Variants in NPIPA7 observed in about 807,000 individuals in gnomAD.
NPIPA7 encodes the protein nuclear pore complex-interacting protein family member A7.
At chr16:16,382,189 T>C (rs1459924302) in intron 1 of NPIPA7, among the ~76,000 whole-genome samples, 3 of 96,684 alleles carry the variant, frequency 3.1e-5, no homozygotes, top group African/African-American at 1.6e-4. Flanking sequence ...TTAGAGGGAT[T>C]CTTTTACCAT....
At position 16,386,922 on chromosome 16, in the gene NPIPA7, A is replaced by T. The variant is rs866310985; in HGVS notation, c.193-477A>T. Among the ~76,000 whole-genome samples the T allele has an allele frequency of 4.8e-3, 628 of 130,432 alleles. 2 individuals are homozygous for T. The highest frequency in any genetic ancestry group is 0.037 in the East Asian group (131 of 3,554). 85.6% of individuals were successfully genotyped at this position (130,432 alleles called of 152,430 possible). On this transcript the variant is annotated intron_variant, in intron 2 of 7. Coordinates refer to ENST00000530217, the Ensembl canonical transcript of NPIPA7. ...GCACCACCATGCCTGGCTAATTTTG[A>T]ATTTTTAGCAGAGACAGCGTTTCTC... is the stretch of plus-strand genomic sequence containing the variant.
At chr16:16,387,162 G>T (rs1470569502) in intron 2 of NPIPA7, among the ~76,000 whole-genome samples, 1 of 128,676 alleles carries the variant, frequency 7.8e-6, no homozygotes, top group South Asian at 2.7e-4. Flanking sequence ...TGCAAACTCC[G>T]CCTCCCAGCT....
At position 16,386,733 on chromosome 16, in the gene NPIPA7, C is replaced by T. The variant is rs1226861783; in HGVS notation, c.193-666C>T. On this transcript the variant is annotated intron_variant, in intron 2 of 7. Transcript: ENST00000530217. Reference sequence around the variant, plus strand: ...AAAGTGCTGGGATTACAGGCGTGAGCTACAGCACCTGGCCTATTTTTTTTT... The same window carrying T: ...AAAGTGCTGGGATTACAGGCGTGAGTTACAGCACCTGGCCTATTTTTTTTT... 1.3e-4 allele frequency among the ~76,000 whole-genome samples: 18 copies of T among 134,276 alleles called. 1 individual carries two copies. Among genetic ancestry groups the T allele is most frequent in the Non-Finnish European group, 3.3e-5 (2 of 60,710 alleles). The allele number at this position is 134,276 out of a possible 152,430, so 88.1% of individuals were successfully genotyped here. A position where few individuals can be genotyped will look rare whatever the true frequency, so the allele number is the denominator to read the frequency against.
At chr16:16,386,713 G>C (rs1231554210) in intron 2 of NPIPA7, among the ~76,000 whole-genome samples, 1 of 127,814 alleles carries the variant, frequency 7.8e-6, no homozygotes, top group Non-Finnish European at 1.7e-5. Flanking sequence ...CTCCCAAAGT[G>C]CTGGGATTAC....
intron 2 of NPIPA7, among the ~76,000 whole-genome samples, chr16:16,386,896 T>G (rs1311536252): frequency 1.5e-5 from 2 of 134,784 alleles, no homozygotes; most frequent in African/African-American, 5.2e-5. Context: ...ATTACAGGCA[T>G]GCACCACCAT....
In NPIPA7 at chr16:16,388,554, G is replaced by A. The variant is rs1393562921; in HGVS notation, c.437+748G>A. On this transcript the variant is annotated intron_variant, in intron 4 of 7. Coordinates refer to ENST00000530217, the Ensembl canonical transcript of NPIPA7. ...TTTTTTTTTTTTTTTTTTTTGAGAC[G>A]GAGTCTCACTCTGTCACCCAGGCTA... Among the ~76,000 whole-genome samples, 24 of 45,006 alleles carry A rather than the reference G, an allele frequency of 5.3e-4. 1 individual carries two copies. The highest frequency in any genetic ancestry group is 1.2e-3 in the East Asian group (2 of 1,646). The allele number at this position is 45,006 out of a possible 152,430, so 29.5% of individuals were successfully genotyped here.
intron 2 of NPIPA7, among the ~76,000 whole-genome samples, chr16:16,386,976 C>T (rs866827815): frequency 5.5e-5 from 8 of 145,384 alleles, no homozygotes; most frequent in Admixed American, 3.6e-4. Context: ...CTCAAACTCC[C>T]GACCTCAGGT....
chr16:16,386,749 A>ATT (rs1166376236), intron 2 of NPIPA7, among the ~76,000 whole-genome samples: 1 of 128,050 alleles, frequency 7.8e-6, no homozygotes, highest in Non-Finnish European at 1.7e-5. Flanking sequence ...CACCTGGCCT[A>ATT]TTTTTTTTTT....
chr16:16,386,209 TGAG>T lies in NPIPA7; in HGVS notation c.193-1188_193-1186del, dbSNP rs1253989987. 1.2e-4 allele frequency among the ~76,000 whole-genome samples: 13 copies of T among 111,410 alleles called. No individual in the cohort carries two copies. In the South Asian group the frequency reaches 1.6e-3, roughly 14 times the overall value. The allele number at this position is 111,410 out of a possible 152,430, so 73.1% of individuals were successfully genotyped here. A position where few individuals can be genotyped will look rare whatever the true frequency, so the allele number is the denominator to read the frequency against. On this transcript the variant is annotated intron_variant, in intron 2 of 7. Transcript: ENST00000530217. ...CAAACCAGCCTCAACGAAGCTGATG[TGAG>T]GGAAGGGAAAGTGAACTCTGAGTAG...
intron 2 of NPIPA7, among the ~76,000 whole-genome samples, chr16:16,387,066 G>C (rs1369898788): frequency 8.3e-6 from 1 of 121,154 alleles, no homozygotes; most frequent in African/African-American, 3.0e-5. Flanking sequence ...TTCTTTGTGT[G>C]TGTGTGTGTG....
intron 2 of NPIPA7, among the ~76,000 whole-genome samples, chr16:16,386,445 TCA>T (rs2050130117): frequency 1.1e-5 from 1 of 88,940 alleles, no homozygotes; most frequent in African/African-American, 4.5e-5. Context: ...TATATTCATG[TCA>T]TTTTTTTTTT....
chr16:16,388,349 C>T (rs1454512663), intron 4 of NPIPA7, among the ~76,000 whole-genome samples: 1 of 29,200 alleles, frequency 3.4e-5, no homozygotes, highest in African/African-American at 1.6e-4. Context: ...ACCCAGCACC[C>T]AGCCTTTTTT....
rs796176025 is a variant in NPIPA7 at position 16,386,746 on chromosome 16, C to T, written c.193-653C>T. On this transcript the variant is annotated intron_variant, in intron 2 of 7. Transcript: ENST00000530217. ...TACAGGCGTGAGCTACAGCACCTGG[C>T]CTATTTTTTTTTTTTTTTTTGAGAC... Among the ~76,000 whole-genome samples, 31 of 135,950 alleles carry T rather than the reference C, an allele frequency of 2.3e-4. No homozygotes were observed. The South Asian group carries it at 6.1e-3, about 27-fold the overall frequency. 89.2% of individuals were successfully genotyped at this position (135,950 alleles called of 152,430 possible).
chr16:16,386,353 A>G (rs2050125798), intron 2 of NPIPA7, among the ~76,000 whole-genome samples: 1 of 141,782 alleles, frequency 7.1e-6, no homozygotes, highest in Non-Finnish European at 1.5e-5. Flanking sequence ...AAGTTGTGAA[A>G]CATGTTAACC....
chr16:16,388,051 C>CTTT (rs1252652575), intron 4 of NPIPA7, among the ~76,000 whole-genome samples: 30 of 44,600 alleles, frequency 6.7e-4, no homozygotes, highest in South Asian at 2.0e-3. Context: ...CTTTCTCTCT[C>CTTT]TTTTTTTTTT....
intron 2 of NPIPA7, among the ~76,000 whole-genome samples, chr16:16,386,832 C>A (rs1241698185): frequency 1.3e-4 from 16 of 127,814 alleles, no homozygotes; most frequent in South Asian, 5.3e-4. Flanking sequence ...TCACCACAAC[C>A]TTTTCCTGCT....
intron 2 of NPIPA7, among the ~76,000 whole-genome samples, chr16:16,386,604 C>A (rs908071800): frequency 7.4e-5 from 8 of 107,686 alleles, no homozygotes; most frequent in Non-Finnish European, 1.6e-4. Context: ...CGTGGGCCAC[C>A]ATGCTCAGCT....
At chr16:16,388,522 A>ATTT (rs58017407) in intron 4 of NPIPA7, among the ~76,000 whole-genome samples, 2 of 28,854 alleles carry the variant, frequency 6.9e-5, no homozygotes, top group African/African-American at 1.7e-4. Flanking sequence ...CATTCGGCCA[A>ATTT]TTTTTTTTTT....
chr16:16,386,350 G>A (rs1254132097), intron 2 of NPIPA7, among the ~76,000 whole-genome samples: 2 of 141,754 alleles, frequency 1.4e-5, no homozygotes, highest in Admixed American at 1.4e-4. Context: ...TTCAAGTTGT[G>A]AAACATGTTA....
Sources: allele counts gnomAD v4.1 joint callset (sites outside exome capture counted in the v4.1 genomes callset), GRCh38; gene constraint gnomAD v4.1.1; transcripts MANE v1.5; gene names NCBI Gene and HGNC (gene_info 2026-07-23, HGNC 2026-07-21).